Variants in PHACTR2 observed in about 807,000 individuals in gnomAD.
PHACTR2 encodes the protein phosphatase and actin regulator 2, also known as chromosome 6 open reading frame 56.
PHACTR2 carries 30 observed loss-of-function variants against 76.0 expected under a neutral mutation model. The ratio of observed to expected loss-of-function variants is 0.39; its 90% CI spans 0.30 to 0.54. The LOEUF is 0.54. Ranked by LOEUF, PHACTR2 falls within the 20% of genes least tolerant of loss-of-function variation. The pLI is 0.61. For missense variants in PHACTR2, 696 were observed against 781.1 expected, an observed-to-expected ratio of 0.89 and a Z score of 1.30; for synonymous variants, 292 against 292.5, an observed-to-expected ratio of 1.00 and a Z score of 0.02.
chr6:143,586,062 G>C (rs9390115), intron 1 of PHACTR2, among the ~76,000 whole-genome samples: 10,578 of 152,032 alleles, frequency 0.07, 475 homozygotes, highest in East Asian at 0.23. Context: ...TTTTTTTCTG[G>C]TGGTAATTAG....
intron 1 of PHACTR2, among the ~76,000 whole-genome samples, chr6:143,642,305 G>C (rs1021830977): frequency 1.3e-5 from 2 of 152,236 alleles, no homozygotes; most frequent in African/African-American, 4.8e-5. Flanking sequence ...TCGCAAGCAG[G>C]CTTGCTTTGG....
At position 143,709,684 on chromosome 6, in the gene PHACTR2, GTTACT is replaced by G. The variant is rs998802987; in HGVS notation, c.47-2331_47-2327del. 6.6e-6 allele frequency among the ~76,000 whole-genome samples: 1 copy of G among 152,152 alleles called. No homozygotes were observed. The highest frequency in any genetic ancestry group is 2.4e-5 in the African/African-American group (1 of 41,424). On this transcript the variant is annotated intron_variant, in intron 1 of 12. Coordinates refer to ENST00000440869, the MANE Select transcript of PHACTR2 (RefSeq NM_001100164.2). The surrounding 1 kb of genome is among the most constrained non-coding windows in gnomAD (Gnocchi z 4.4). Reference sequence around the variant, plus strand: ...CTGTGTATGTGTGTGGGGTGTCCTTGTTACTGTTGGGCACAGGTAGAATTTCCAGA... The same window carrying G: ...CTGTGTATGTGTGTGGGGTGTCCTTGGTTGGGCACAGGTAGAATTTCCAGA...
chr6:143,678,941 T>TA lies in PHACTR2; in HGVS notation c.46+746dup, dbSNP rs764703736. ...TGGCATTTCCCCGACAGTGTAGGGA[T>TA]AAAAAAAAAAAAAACTGTTTGGTGG... On this transcript the variant is annotated intron_variant, in intron 1 of 12. Transcript: ENST00000440869. The surrounding 1 kb of genome is among the most constrained non-coding windows in gnomAD (Gnocchi z 6.2). 0.11 allele frequency among the ~76,000 whole-genome samples: 15,138 copies of TA among 133,984 alleles called. 2,066 individuals are homozygous for TA. The highest frequency in any genetic ancestry group is 0.34 in the African/African-American group (12,775 of 38,054). The allele number at this position is 133,984 out of a possible 152,430, so 87.9% of individuals were successfully genotyped here.
upstream of PHACTR2, among the ~76,000 whole-genome samples, chr6:143,675,607 A>T (rs80065930): frequency 1.6e-3 from 241 of 152,334 alleles, 1 homozygote; most frequent in African/African-American, 5.6e-3. The surrounding 1 kb of genome is among the most constrained non-coding windows in gnomAD (Gnocchi z 4.9). Flanking sequence ...AGATTGGTTT[A>T]GAAATAGAGA....
Position 143,753,878 on chromosome 6 carries a change from A to G in PHACTR2, c.420A>G (p.Thr140=), listed in dbSNP as rs534690321. ...EEGNGSVSEK[T]PPLEEQAEDK... ...GTAATGGCTCTGTATCTGAAAAAAC[A>G]CCACCTCTGGAGGAACAGGCAGAAG... Residue 140 remains threonine (T), a synonymous_variant, in exon 4 of 13, where the codon ACA becomes ACG. Coordinates refer to ENST00000440869, the MANE Select transcript of PHACTR2 (RefSeq NM_001100164.2). The surrounding 1 kb of genome is among the most constrained non-coding windows in gnomAD (Gnocchi z 4.6). The G allele has an allele frequency of 3.7e-6, 6 of 1,609,998 alleles. No individual in the cohort carries two copies. In the African/African-American group the frequency reaches 8.0e-5, roughly 22 times the overall value.
intron 11 of PHACTR2, among the ~76,000 whole-genome samples, chr6:143,805,463 G>A (rs900315855): frequency 8.1e-6 from 1 of 124,110 alleles, no homozygotes. Flanking sequence ...TGGGTGACAA[G>A]AGTGAAACTC....
rs986644673 is a variant in PHACTR2, at chr6:143,793,496, TCACATTTCTCCTGAGGCTTTTTAAA to T, written c.1845+4587_1845+4611del. Among the ~76,000 whole-genome samples, 19 of 152,152 alleles carry T rather than the reference TCACATTTCTCCTGAGGCTTTTTAAA, an allele frequency of 1.2e-4. No individual in the cohort carries two copies. Among genetic ancestry groups the T allele is most frequent in the Non-Finnish European group, 2.2e-4 (15 of 68,032 alleles). On this transcript the variant is annotated intron_variant, in intron 11 of 12. Coordinates refer to ENST00000440869, the MANE Select transcript of PHACTR2 (RefSeq NM_001100164.2). The surrounding 1 kb of genome is among the most constrained non-coding windows in gnomAD (Gnocchi z 4.4). ...CATTTTCTCCCTCTGACAGTATCTC[TCACATTTCTCCTGAGGCTTTTTAAA>T]GTCTAAAAAGCAGCATTTTTAGAAG...
In PHACTR2 at chr6:143,647,956, G is replaced by A. The variant is rs1436045881; in HGVS notation, c.13+39634G>A. On this transcript the variant is annotated intron_variant, in intron 1 of 11. Coordinates refer to the PHACTR2 transcript ENST00000305766. The surrounding 1 kb of genome is among the most constrained non-coding windows in gnomAD (Gnocchi z 4.2). ...TGATAAGAAACCAGTGAAGGGTTGG[G>A]CTTGGGGAAGTTGCCCCTGGCTGTG... Among the ~76,000 whole-genome samples the A allele has an allele frequency of 6.6e-6, 1 of 152,212 alleles. No homozygotes were observed.
chr6:143,775,185 G>A lies in PHACTR2; in HGVS notation c.1589+970G>A, dbSNP rs1775243204. 1.3e-5 allele frequency among the ~76,000 whole-genome samples: 2 copies of A among 152,154 alleles called. No individual in the cohort carries two copies. Among genetic ancestry groups the A allele is most frequent in the Non-Finnish European group, 2.9e-5 (2 of 68,034 alleles). Reference sequence around the variant, plus strand: ...AGGCACCTCCTTACAGCTGAGTTGTGCAGAAAGGTGTCAGAGACAGCAGCT... The same window carrying A: ...AGGCACCTCCTTACAGCTGAGTTGTACAGAAAGGTGTCAGAGACAGCAGCT... On this transcript the variant is annotated intron_variant, in intron 8 of 12. Coordinates refer to ENST00000440869, the MANE Select transcript of PHACTR2 (RefSeq NM_001100164.2). This position sits in a 1 kb window ranked among gnomAD's most constrained non-coding sequence, Gnocchi z 4.4.
chr6:143,694,812 C>T (rs928859574), intron 1 of PHACTR2, among the ~76,000 whole-genome samples: 1 of 152,180 alleles, frequency 6.6e-6, no homozygotes, highest in African/African-American at 2.4e-5. Context: ...GTATTCTAGC[C>T]CATATGCATT....
In PHACTR2 at chr6:143,697,205, T is replaced by A. The variant is rs1777794625; in HGVS notation, c.47-14811T>A. 6.6e-6 allele frequency among the ~76,000 whole-genome samples: 1 copy of A among 152,236 alleles called. No homozygotes were observed. On this transcript the variant is annotated intron_variant, in intron 1 of 12. Transcript: ENST00000440869. The surrounding 1 kb of genome is among the most constrained non-coding windows in gnomAD (Gnocchi z 4.4). ...TCTAAGAGATTCACATTCTCGTGTG[T>A]GATGCCTAAAGAGAATGGAAAAAAC... is the stretch of plus-strand genomic sequence containing the variant.
chr6:143,654,118 A>T lies in PHACTR2; in HGVS notation c.13+45796A>T, dbSNP rs1487168388. On this transcript the variant is annotated intron_variant, in intron 1 of 11. Transcript: ENST00000305766. The surrounding 1 kb of genome is among the most constrained non-coding windows in gnomAD (Gnocchi z 4.6). The stretch of plus-strand genomic sequence containing the variant: ...ATAAACACATGAAAAGATGCTCAGC[A>T]TCATTAACCATCAGGGAAATACAAA... Among the ~76,000 whole-genome samples, 1 of 152,252 alleles carries T rather than the reference A, an allele frequency of 6.6e-6. No individual in the cohort carries two copies.
chr6:143,630,391 T>G (rs147497748), intron 1 of PHACTR2, among the ~76,000 whole-genome samples: 1 of 151,874 alleles, frequency 6.6e-6, no homozygotes, highest in Non-Finnish European at 1.5e-5. Context: ...TTAAATACAA[T>G]TGTAGAATCT....
rs9484780 is a variant in PHACTR2 at position 143,602,345 on chromosome 6, C to T, written c.217+65138C>T. Among the ~76,000 whole-genome samples, 3,220 of 152,274 alleles carry T rather than the reference C, an allele frequency of 0.021. 118 individuals carry two copies. The highest frequency in any genetic ancestry group is 0.07 in the African/African-American group (2,917 of 41,536). ...ATTATGAAGACTTATCCTCTCCCTGCCCCTCAAGGCTTTATAAAGCCATGG... is the reference window on the plus strand; with the variant it reads ...ATTATGAAGACTTATCCTCTCCCTGTCCCTCAAGGCTTTATAAAGCCATGG... On this transcript the variant is annotated intron_variant, in intron 1 of 11. Transcript: ENST00000367584. The surrounding 1 kb of genome is among the most constrained non-coding windows in gnomAD (Gnocchi z 6.1).
chr6:143,572,185 G>A (rs1247867761), intron 1 of PHACTR2, among the ~76,000 whole-genome samples: 1 of 151,952 alleles, frequency 6.6e-6, no homozygotes. Flanking sequence ...AATTCTTTTG[G>A]CCCCGTGTAA....
At chr6:143,719,219 T>C (rs1184617483) in intron 2 of PHACTR2, among the ~76,000 whole-genome samples, 4 of 148,974 alleles carry the variant, frequency 2.7e-5, no homozygotes, top group Admixed American at 6.7e-5. Context: ...CCTCACATCA[T>C]ATTGGAGGAA....
At position 143,772,896 on chromosome 6, in the gene PHACTR2, A is replaced by G. The variant is rs1775188682; in HGVS notation, c.1432+439A>G. 6.6e-6 allele frequency among the ~76,000 whole-genome samples: 1 copy of G among 152,230 alleles called. No homozygotes were observed. The highest frequency in any genetic ancestry group is 2.1e-4 in the South Asian group (1 of 4,832). ...TGTACTGGGGTTTATAGAAAGGGGAAGGAGGAATGAGTCAAGAATGCCAAA... is the reference window on the plus strand; with the variant it reads ...TGTACTGGGGTTTATAGAAAGGGGAGGGAGGAATGAGTCAAGAATGCCAAA... On this transcript the variant is annotated intron_variant, in intron 7 of 12. Coordinates refer to ENST00000440869, the MANE Select transcript of PHACTR2 (RefSeq NM_001100164.2). The surrounding 1 kb of genome is among the most constrained non-coding windows in gnomAD (Gnocchi z 5.4).
intron 2 of PHACTR2, among the ~76,000 whole-genome samples, chr6:143,718,964 C>A (rs1326885085): frequency 1.3e-5 from 2 of 148,378 alleles, no homozygotes; most frequent in Admixed American, 1.4e-4. Context: ...CTCACTGCAA[C>A]CTCTGCCTCC....
At position 143,733,824 on chromosome 6, in the gene PHACTR2, C is replaced by G. The variant is rs1199406512; in HGVS notation, c.215-15161C>G. ...TGTTCTTGTGTATTTCACAACAAAA[C>G]CTAATGAGACCAAATGAGTGCTAGA... On this transcript the variant is annotated intron_variant, in intron 2 of 12. Coordinates refer to ENST00000440869, the MANE Select transcript of PHACTR2 (RefSeq NM_001100164.2). This position sits in a 1 kb window ranked among gnomAD's most constrained non-coding sequence, Gnocchi z 4.0. Among the ~76,000 whole-genome samples the G allele has an allele frequency of 1.3e-5, 2 of 152,080 alleles. No individual in the cohort carries two copies. The highest frequency in any genetic ancestry group is 2.9e-5 in the Non-Finnish European group (2 of 68,016).
Sources: allele counts gnomAD v4.1 joint callset (sites outside exome capture counted in the v4.1 genomes callset), GRCh38; gene constraint gnomAD v4.1.1; non-coding constraint Gnocchi (gnomAD v3.1); transcripts MANE v1.5; gene names NCBI Gene and HGNC (gene_info 2026-07-23, HGNC 2026-07-21).